The following KANSL1L variants were observed in gnomAD, a reference collection of about 807,000 sequenced individuals.
The protein encoded by KANSL1L is KAT8 regulatory NSL complex subunit 1-like protein.
A neutral mutation model predicts 108.6 loss-of-function variants in KANSL1L; 25 were observed. That is an observed-to-expected ratio of 0.23 (90% CI 0.17 to 0.32). The LOEUF is 0.32. Ranked by LOEUF, KANSL1L falls within the 10% of genes least tolerant of loss-of-function variation. The pLI, the probability that KANSL1L is intolerant of heterozygous loss-of-function variation, is 1.00. For missense variants in KANSL1L, 1,137 were observed against 1,125.7 expected (o/e 1.01, Z -0.14); for synonymous variants, 405 against 395.1 (o/e 1.03, Z -0.30).
chr2:210,095,599 A>G (rs2094728624), intron 5 of KANSL1L, among the ~76,000 whole-genome samples: 1 of 152,154 alleles, frequency 6.6e-6, no homozygotes, highest in African/African-American at 2.4e-5. Flanking sequence ...ATATTATCAC[A>G]AATTGTGGAA....
chr2:210,118,683 C>T (rs2094982303), intron 3 of KANSL1L, among the ~76,000 whole-genome samples: 1 of 151,636 alleles, frequency 6.6e-6, no homozygotes, highest in Non-Finnish European at 1.5e-5. Flanking sequence ...CCCATCTCTA[C>T]AGAAAATACA....
intron 9 of KANSL1L, among the ~76,000 whole-genome samples, chr2:210,030,326 T>A: frequency 6.6e-6 from 1 of 152,062 alleles, no homozygotes; most frequent in Admixed American, 6.6e-5. Context: ...CACTCTTAAT[T>A]TTTTGAAAAA....
At chr2:210,028,162 G>A (rs1220992779) in intron 11 of KANSL1L, among the ~76,000 whole-genome samples, 1 of 152,100 alleles carries the variant, frequency 6.6e-6, no homozygotes, top group African/African-American at 2.4e-5. Context: ...CCACAAATCT[G>A]GACCTAACTT....
intron 5 of KANSL1L, chr2:210,079,704 A>ATATATATATATATATGTATGTGTGTG (rs1559540028): frequency 6.9e-5 from 6 of 86,462 alleles, no homozygotes; most frequent in South Asian, 4.2e-4. Flanking sequence ...ATGTGTGTAT[A>ATATATATATATATATGTATGTGTGTG]TATATATATA....
chr2:210,060,292 A>G (rs908004994), intron 6 of KANSL1L, among the ~76,000 whole-genome samples: 5 of 152,248 alleles, frequency 3.3e-5, no homozygotes, highest in African/African-American at 1.2e-4. Context: ...GATACAGACT[A>G]CAAACACTAC....
At chr2:210,121,681 T>C (rs998517840) in intron 3 of KANSL1L, among the ~76,000 whole-genome samples, 11 of 152,102 alleles carry the variant, frequency 7.2e-5, no homozygotes, top group African/African-American at 2.2e-4. Context: ...ATAAAACTTT[T>C]TGGGGGGCAA....
At chr2:210,145,841 T>A (rs1302133758) in intron 2 of KANSL1L, among the ~76,000 whole-genome samples, 1 of 152,114 alleles carries the variant, frequency 6.6e-6, no homozygotes, top group Admixed American at 6.5e-5. Context: ...GTATGCATAG[T>A]GGGACAGAGT....
At chr2:210,090,034 TAA>T (rs375484990) in intron 5 of KANSL1L, among the ~76,000 whole-genome samples, 178 of 152,286 alleles carry the variant, frequency 1.2e-3, no homozygotes, top group African/African-American at 3.9e-3. Flanking sequence ...GCACTTTTTT[TAA>T]AGAGTAAGAA....
intron 5 of KANSL1L, 34 bp downstream of exon 5, chr2:210,098,052 A>G (rs1401388943): frequency 6.5e-7 from 1 of 1,538,484 alleles, no homozygotes; most frequent in Non-Finnish European, 8.7e-7. Context: ...GGCAAAGTTG[A>G]ATTTAAAAGC....
chr2:210,168,139 A>G (rs1177071235), intron 1 of KANSL1L, among the ~76,000 whole-genome samples: 1 of 152,104 alleles, frequency 6.6e-6, no homozygotes, highest in Non-Finnish European at 1.5e-5. Context: ...GCGATATGAG[A>G]GATATGCTTT....
chr2:210,098,469 A>C, intron 4 of KANSL1L, among the ~76,000 whole-genome samples: 1 of 152,166 alleles, frequency 6.6e-6, no homozygotes. Context: ...AACACATTTG[A>C]ACCCAGCTAA....
chr2:210,079,646 A>ATATGTGTG lies in KANSL1L; in HGVS notation c.1551-3891_1551-3890insCACACATA, dbSNP rs2094570173. ...TATATATATATATATATATATATAT[A>ATATGTGTG]TATATATATATATATATATGTATGT... is the stretch of plus-strand genomic sequence containing the variant. On this transcript the variant is annotated intron_variant, in intron 5 of 14. Transcript: ENST00000281772. Among the ~76,000 whole-genome samples, 3 of 13,120 alleles carry ATATGTGTG rather than the reference A, an allele frequency of 2.3e-4. 1 individual carries two copies. The highest frequency in any genetic ancestry group is 6.0e-3 in the East Asian group (1 of 168). 8.6% of individuals were successfully genotyped at this position (13,120 alleles called of 152,430 possible). A position where few individuals can be genotyped will look rare whatever the true frequency, so the allele number is the denominator to read the frequency against.
chr2:210,135,843 T>C (rs1316683225), intron 2 of KANSL1L, among the ~76,000 whole-genome samples: 1 of 152,198 alleles, frequency 6.6e-6, no homozygotes, highest in Non-Finnish European at 1.5e-5. Context: ...TCATTTGGGC[T>C]AACAAGTTCT....
At chr2:210,125,880 G>C (rs1394924670) in intron 3 of KANSL1L, among the ~76,000 whole-genome samples, 2 of 151,996 alleles carry the variant, frequency 1.3e-5, no homozygotes, top group Admixed American at 1.3e-4. Flanking sequence ...CACACTCAAG[G>C]GTTAAAGACT....
At chr2:210,062,921 T>C (rs578164590) in intron 6 of KANSL1L, among the ~76,000 whole-genome samples, 2 of 152,308 alleles carry the variant, frequency 1.3e-5, no homozygotes, top group South Asian at 4.1e-4. Flanking sequence ...GCATAAGTAA[T>C]GAGGGGCCAA....
intron 1 of KANSL1L, among the ~76,000 whole-genome samples, chr2:210,155,591 T>C (rs1200152104): frequency 6.6e-6 from 1 of 152,164 alleles, no homozygotes; most frequent in South Asian, 2.1e-4. Flanking sequence ...GCCTAGAAAA[T>C]AGCGGAGACA....
intron 1 of KANSL1L, among the ~76,000 whole-genome samples, chr2:210,164,772 T>C (rs1396998245): frequency 9.2e-5 from 14 of 151,942 alleles, no homozygotes; most frequent in Admixed American, 9.2e-4. Context: ...TACATAATCT[T>C]GATTCTGTCA....
At chr2:210,068,112 G>A (rs1170723378) in intron 6 of KANSL1L, among the ~76,000 whole-genome samples, 1 of 152,062 alleles carries the variant, frequency 6.6e-6, no homozygotes, top group African/African-American at 2.4e-5. Context: ...TCCTGACCTC[G>A]TGATCCATCT....
Position 210,104,297 on chromosome 2 carries a change from A to G in KANSL1L, c.1235T>C (p.Ile412Thr), listed in dbSNP as rs1369670930. The change falls in exon 4 of 15, where the codon ATA becomes ACA. Residue 412 changes from isoleucine to threonine, a missense_variant. Ile to Thr is a moderately conservative substitution (Grantham distance 89). Coordinates refer to ENST00000281772, the MANE Select transcript of KANSL1L (RefSeq NM_152519.4). ...IHRQIRASKGIVVLEECQLPK... is the reference protein window; with the variant it reads ...IHRQIRASKGTVVLEECQLPK... ...AAGCTGACATTCTTCTAGGACCACT[A>G]TCCCCTAGACAAAAAACAATGAGAA... is the stretch of plus-strand genomic sequence containing the variant. 1 of 1,611,700 alleles carries G rather than the reference A, an allele frequency of 6.2e-7. No homozygotes were observed. The highest frequency in any genetic ancestry group is 8.5e-7 in the Non-Finnish European group (1 of 1,178,176).
Sources: gnomAD v4.1 joint callset for allele counts (sites outside exome capture counted in the v4.1 genomes callset) on GRCh38, gnomAD v4.1.1 for gene constraint, MANE v1.5 for transcripts, NCBI Gene and HGNC (gene_info 2026-07-23, HGNC 2026-07-21) for gene names.